The following NBEA variants were observed in gnomAD, a reference collection of about 807,000 sequenced individuals.
NBEA encodes the protein neurobeachin.
NBEA carries 44 observed loss-of-function variants against 343.4 expected under a neutral mutation model. The observed-to-expected ratio is 0.13, with a 90% confidence interval of 0.10 to 0.16. The LOEUF is 0.16. NBEA is among the 10% of genes least tolerant of loss of function. The probability of loss-of-function intolerance (pLI) is 1.00; values close to 1 mark genes in which losing one functional copy is unlikely to be tolerated. For synonymous variants in NBEA, 1,175 were observed against 1,238.7 expected (o/e 0.95, Z 1.08); for missense variants, 2,555 against 3,631.3 (o/e 0.70, Z 7.62).
chr13:35,621,260 C>G (rs1280777280), intron 48 of NBEA, among the ~76,000 whole-genome samples: 1 of 152,162 alleles, frequency 6.6e-6, no homozygotes, highest in African/African-American at 2.4e-5. Context: ...GTCACAGCAT[C>G]CCAGGGCCTA....
intron 41 of NBEA, among the ~76,000 whole-genome samples, chr13:35,478,935 T>C (rs1297800699): frequency 1.3e-5 from 2 of 152,232 alleles, no homozygotes; most frequent in African/African-American, 4.8e-5. Context: ...CTGCGAGGGA[T>C]GCCGGTCGGG....
intron 1 of NBEA, 74 bp downstream of exon 1, chr13:34,943,188 C>T: frequency 1.3e-6 from 2 of 1,560,950 alleles, no homozygotes; most frequent in East Asian, 4.6e-5. Context: ...TTCCCTCCCA[C>T]CCTTCACCCC....
chr13:35,631,111 G>A (rs1245823997), intron 49 of NBEA, among the ~76,000 whole-genome samples: 1 of 152,168 alleles, frequency 6.6e-6, no homozygotes, highest in African/African-American at 2.4e-5. Context: ...GGGTAAGTGA[G>A]GCCGAGTCAT....
At chr13:35,084,751 A>C (rs570087369) in intron 10 of NBEA, among the ~76,000 whole-genome samples, 5 of 152,294 alleles carry the variant, frequency 3.3e-5, no homozygotes, top group Admixed American at 1.3e-4. Flanking sequence ...ACTAAAGGAA[A>C]TAGAGACACA....
chr13:35,068,327 T>C (rs2063732014), intron 8 of NBEA, among the ~76,000 whole-genome samples: 1 of 152,198 alleles, frequency 6.6e-6, no homozygotes, highest in South Asian at 2.1e-4. Flanking sequence ...ATTTTAAATC[T>C]TTTAAGAGAA....
chr13:35,227,685 C>T (rs571100943), intron 33 of NBEA, among the ~76,000 whole-genome samples: 18 of 151,904 alleles, frequency 1.2e-4, no homozygotes, highest in African/African-American at 3.9e-4. Flanking sequence ...TCTTTCAAAT[C>T]GAATTGTTGT....
chr13:35,372,222 C>T (rs937949555), intron 38 of NBEA, among the ~76,000 whole-genome samples: 9 of 152,150 alleles, frequency 5.9e-5, no homozygotes, highest in Admixed American at 1.3e-4. Context: ...CAGGACAACC[C>T]TCCGGCTCCC....
intron 44 of NBEA, among the ~76,000 whole-genome samples, chr13:35,556,191 A>G (rs913233322): frequency 3.3e-5 from 5 of 152,028 alleles, no homozygotes; most frequent in Admixed American, 2.6e-4. Context: ...TACTCCCTCA[A>G]AGATAAAAGA....
chr13:34,958,038 A>G (rs2059554177), intron 1 of NBEA, among the ~76,000 whole-genome samples: 1 of 152,016 alleles, frequency 6.6e-6, no homozygotes, highest in Admixed American at 6.6e-5. Flanking sequence ...ACTTAGTTAA[A>G]AAATATATCT....
chr13:35,556,134 A>G (rs921241809), intron 44 of NBEA, among the ~76,000 whole-genome samples: 1 of 152,026 alleles, frequency 6.6e-6, no homozygotes, highest in Admixed American at 6.6e-5. Context: ...ACATGCATTT[A>G]TTCATATGTG....
At chr13:35,246,482 T>G (rs1168022409) in intron 34 of NBEA, among the ~76,000 whole-genome samples, 3 of 152,214 alleles carry the variant, frequency 2.0e-5, no homozygotes, top group Non-Finnish European at 4.4e-5. Context: ...CGGTGCTCCC[T>G]TGATGTCATA....
chr13:35,297,051 A>G (rs1042362195), intron 35 of NBEA, among the ~76,000 whole-genome samples: 7 of 152,032 alleles, frequency 4.6e-5, no homozygotes, highest in African/African-American at 1.7e-4. Flanking sequence ...GTAGAGTATA[A>G]AAACCAGGAA....
At chr13:35,196,702 A>G (rs967846264) in intron 31 of NBEA, among the ~76,000 whole-genome samples, 5 of 152,114 alleles carry the variant, frequency 3.3e-5, no homozygotes, top group African/African-American at 4.8e-5. Context: ...ATAAAATACT[A>G]TAATAATTGT....
chr13:35,343,385 A>T (rs778049774), intron 36 of NBEA, among the ~76,000 whole-genome samples: 9 of 152,166 alleles, frequency 5.9e-5, no homozygotes, highest in Non-Finnish European at 1.0e-4. Context: ...TTTGAATAAC[A>T]TAATTAGCAT....
intron 17 of NBEA, among the ~76,000 whole-genome samples, chr13:35,138,145 A>G (rs937822431): frequency 7.2e-5 from 11 of 152,164 alleles, no homozygotes; most frequent in African/African-American, 1.9e-4. Context: ...ATTCTTGTCA[A>G]TGAAAATAAG....
intron 7 of NBEA, among the ~76,000 whole-genome samples, chr13:35,056,450 C>T (rs532575529): frequency 1.9e-4 from 29 of 151,974 alleles, no homozygotes; most frequent in African/African-American, 6.8e-4. Flanking sequence ...AAAGAAGACC[C>T]TAAACAGAAG....
chr13:35,149,130 C>A (rs867192599), intron 18 of NBEA, among the ~76,000 whole-genome samples: 1 of 152,168 alleles, frequency 6.6e-6, no homozygotes, highest in African/African-American at 2.4e-5. Flanking sequence ...GATTAGTAGA[C>A]TATGCCTTTC....
intron 33 of NBEA, among the ~76,000 whole-genome samples, chr13:35,223,766 G>A (rs887291022): frequency 4.6e-5 from 7 of 152,058 alleles, no homozygotes; most frequent in Non-Finnish European, 1.0e-4. Flanking sequence ...AGAATAACAC[G>A]TTGCCACAAA....
At chr13:35,421,656 C>T (rs1361419728) in intron 38 of NBEA, among the ~76,000 whole-genome samples, 5 of 151,950 alleles carry the variant, frequency 3.3e-5, no homozygotes, top group South Asian at 2.1e-4. Context: ...TCTTCTATTA[C>T]TTCTCTCATG....
Sources: allele counts gnomAD v4.1 joint callset (sites outside exome capture counted in the v4.1 genomes callset), GRCh38; gene constraint gnomAD v4.1.1; transcripts MANE v1.5; gene names NCBI Gene and HGNC (gene_info 2026-07-23, HGNC 2026-07-21).